SEMA6D: variants seen among roughly 807,000 people sequenced by gnomAD.
The protein encoded by SEMA6D is semaphorin-6D.
A neutral mutation model predicts 106.6 loss-of-function variants in SEMA6D; 35 were observed. The observed-to-expected ratio is 0.33, with a 90% CI of 0.25 to 0.44. SEMA6D has a LOEUF of 0.44. Ranked by LOEUF, SEMA6D falls within the 20% of genes least tolerant of loss-of-function variation. SEMA6D has a pLI of 1.00. For synonymous variants in SEMA6D, 499 were observed against 487.7 expected (o/e 1.02, Z -0.31); for missense variants, 1,185 against 1,345.9 (o/e 0.88, Z 1.87).
chr15:47,760,051 T>G, intron 2 of SEMA6D, 144 bp downstream of exon 2: 2 of 708,656 alleles, frequency 2.8e-6, no homozygotes, highest in Non-Finnish European at 4.7e-6. Context: ...AGTAATCATT[T>G]CCTAGTGTTT....
chr15:47,214,248 G>A (rs573799582), intron 1 of SEMA6D, among the ~76,000 whole-genome samples: 2 of 152,260 alleles, frequency 1.3e-5, no homozygotes, highest in South Asian at 4.1e-4. Context: ...CGACTTAAAC[G>A]TGTTTTCAAG....
At chr15:47,210,413 T>C (rs1440259999) in intron 1 of SEMA6D, among the ~76,000 whole-genome samples, 1 of 152,144 alleles carries the variant, frequency 6.6e-6, no homozygotes, top group Non-Finnish European at 1.5e-5. Flanking sequence ...GGCCATGTGA[T>C]ATTTCTTTGA....
chr15:47,624,620 G>T (rs566548174), intron 4 of SEMA6D, among the ~76,000 whole-genome samples: 1 of 152,190 alleles, frequency 6.6e-6, no homozygotes, highest in Non-Finnish European at 1.5e-5. Context: ...CACAAATCTT[G>T]TAACACAAAT....
intron 1 of SEMA6D, among the ~76,000 whole-genome samples, chr15:47,323,987 A>C (rs1200490229): frequency 9.0e-5 from 1 of 11,134 alleles, no homozygotes; most frequent in Non-Finnish European, 1.5e-4. Context: ...ACAAGTGGCA[A>C]AAAAAAAAAA....
chr15:47,444,119 G>A (rs992088275), intron 2 of SEMA6D, among the ~76,000 whole-genome samples: 2 of 152,086 alleles, frequency 1.3e-5, no homozygotes, highest in Non-Finnish European at 2.9e-5. Flanking sequence ...TTTTTTCCCT[G>A]TGTCTATTTA....
chr15:47,532,132 A>G (rs1053711963), intron 3 of SEMA6D, among the ~76,000 whole-genome samples: 1 of 152,154 alleles, frequency 6.6e-6, no homozygotes, highest in African/African-American at 2.4e-5. Context: ...AAATCAGATT[A>G]CAGTCCAGGA....
intron 4 of SEMA6D, among the ~76,000 whole-genome samples, chr15:47,710,692 G>A (rs2078999842): frequency 6.6e-6 from 1 of 152,110 alleles, no homozygotes; most frequent in African/African-American, 2.4e-5. Flanking sequence ...AATTTAATGG[G>A]TGCGTGATAT....
chr15:47,748,340 C>A (rs1363735926), intron 1 of SEMA6D, among the ~76,000 whole-genome samples: 1 of 152,234 alleles, frequency 6.6e-6, no homozygotes, highest in Non-Finnish European at 1.5e-5. Context: ...TTCTTTATTT[C>A]TTCCTCCATT....
intron 1 of SEMA6D, among the ~76,000 whole-genome samples, chr15:47,245,656 C>T (rs2033155424): frequency 6.6e-6 from 1 of 152,158 alleles, no homozygotes; most frequent in Admixed American, 6.5e-5. Flanking sequence ...TTTCATGAAC[C>T]TGCCAATTTT....
At chr15:47,728,593 T>C (rs7166102) in intron 1 of SEMA6D, among the ~76,000 whole-genome samples, 132 of 152,334 alleles carry the variant, frequency 8.7e-4, no homozygotes, top group African/African-American at 2.9e-3. Flanking sequence ...CCGATCGCTG[T>C]TGTAACGAAT....
chr15:47,185,069 C>T (rs1250719645), intron 1 of SEMA6D, among the ~76,000 whole-genome samples: 2 of 152,156 alleles, frequency 1.3e-5, no homozygotes, highest in Admixed American at 6.5e-5. Flanking sequence ...TGCGCGCGGC[C>T]GGCGAGCAGG....
intron 3 of SEMA6D, among the ~76,000 whole-genome samples, chr15:47,553,630 G>T (rs1329711477): frequency 6.6e-6 from 1 of 152,078 alleles, no homozygotes; most frequent in African/African-American, 2.4e-5. Flanking sequence ...TGAAGTTGAG[G>T]TTTTGTTTGA....
intron 3 of SEMA6D, among the ~76,000 whole-genome samples, chr15:47,586,411 G>A (rs1172810507): frequency 6.6e-6 from 1 of 152,178 alleles, no homozygotes; most frequent in Non-Finnish European, 1.5e-5. Flanking sequence ...TTTTTGTACT[G>A]TAGGGCAGTC....
intron 3 of SEMA6D, among the ~76,000 whole-genome samples, chr15:47,534,529 T>C (rs1596262702): frequency 6.6e-6 from 1 of 152,190 alleles, no homozygotes; most frequent in Non-Finnish European, 1.5e-5. Flanking sequence ...TGCAGCCTAA[T>C]AAAATAATTT....
chr15:47,530,563 T>C (rs1228277308), intron 3 of SEMA6D, among the ~76,000 whole-genome samples: 1 of 152,204 alleles, frequency 6.6e-6, no homozygotes, highest in Non-Finnish European at 1.5e-5. Flanking sequence ...GTTTACCTAA[T>C]TAAGATCACA....
intron 4 of SEMA6D, among the ~76,000 whole-genome samples, chr15:47,617,976 C>A (rs963423660): frequency 6.6e-6 from 1 of 152,212 alleles, no homozygotes; most frequent in African/African-American, 2.4e-5. Flanking sequence ...TCTCTTCTCC[C>A]TTAATTGAGT....
intron 1 of SEMA6D, chr15:47,397,467 A>G (rs1279278002): frequency 1.3e-5 from 2 of 152,194 alleles, no homozygotes; most frequent in Non-Finnish European, 2.9e-5. Context: ...CAGGTGCTAA[A>G]TAAGTGTTCA....
At chr15:47,669,088 C>G (rs540866199) in intron 4 of SEMA6D, among the ~76,000 whole-genome samples, 1 of 151,966 alleles carries the variant, frequency 6.6e-6, no homozygotes, top group African/African-American at 2.4e-5. Flanking sequence ...CTCCCTTTGG[C>G]TAATGATTTG....
At chr15:47,556,888 A>G (rs905141730) in intron 3 of SEMA6D, among the ~76,000 whole-genome samples, 1 of 152,118 alleles carries the variant, frequency 6.6e-6, no homozygotes, top group Non-Finnish European at 1.5e-5. Flanking sequence ...TGTCAGTGCA[A>G]AGGTATCATG....
Sources: allele counts gnomAD v4.1 joint callset (sites outside exome capture counted in the v4.1 genomes callset), GRCh38; gene constraint gnomAD v4.1.1; transcripts MANE v1.5; gene names NCBI Gene and HGNC (gene_info 2026-07-23, HGNC 2026-07-21).